The following CDYL2 variants were observed in gnomAD, a reference collection of about 807,000 sequenced individuals.
CDYL2 encodes the protein chromodomain Y like 2.
In CDYL2, 23 loss-of-function variants were observed where a neutral mutation model predicts 49.4. That is an observed-to-expected ratio of 0.47 (90% CI 0.34 to 0.66). The LOEUF (loss-of-function observed/expected upper bound fraction) is 0.66. Ranked by LOEUF, CDYL2 falls within the 30% of genes least tolerant of loss-of-function variation. The probability of loss-of-function intolerance (pLI) is 0.01; values close to 1 mark genes in which losing one functional copy is unlikely to be tolerated. For synonymous variants in CDYL2, 360 were observed against 268.8 expected, an observed-to-expected ratio of 1.34 and a Z score of -3.32; for missense variants, 678 against 656.4, an observed-to-expected ratio of 1.03 and a Z score of -0.36.
At chr16:80,687,054 G>A (rs1206192198) in intron 1 of CDYL2, among the ~76,000 whole-genome samples, 28 of 152,174 alleles carry the variant, frequency 1.8e-4, no homozygotes, top group Admixed American at 1.7e-3. Flanking sequence ...GCTTCAGAAC[G>A]CCAAGGATTT....
intron 1 of CDYL2, among the ~76,000 whole-genome samples, chr16:80,756,462 T>G (rs571464799): frequency 6.6e-6 from 1 of 152,188 alleles, no homozygotes; most frequent in South Asian, 2.1e-4. Context: ...GAACAATAAA[T>G]TTGAAAATCC....
chr16:80,702,706 T>C (rs551028674), intron 1 of CDYL2, among the ~76,000 whole-genome samples: 1 of 152,184 alleles, frequency 6.6e-6, no homozygotes, highest in Non-Finnish European at 1.5e-5. Flanking sequence ...GCTATGATCG[T>C]ACCACTGCAT....
intron 3 of CDYL2, among the ~76,000 whole-genome samples, chr16:80,627,186 T>C (rs1907342915): frequency 6.6e-6 from 1 of 151,968 alleles, no homozygotes; most frequent in African/African-American, 2.4e-5. Flanking sequence ...ATTTTGAACA[T>C]CAAAAAAGCT....
At chr16:80,716,771 G>A (rs759034923) in intron 1 of CDYL2, among the ~76,000 whole-genome samples, 5 of 151,934 alleles carry the variant, frequency 3.3e-5, no homozygotes, top group East Asian at 1.9e-4. Context: ...ATGACTGGAT[G>A]ACCAGATGAC....
intron 2 of CDYL2, among the ~76,000 whole-genome samples, chr16:80,646,824 C>CA (rs1189098957): frequency 6.7e-6 from 1 of 148,964 alleles, no homozygotes; most frequent in Non-Finnish European, 1.5e-5. Context: ...ACAAAACAAA[C>CA]AAAAAAACAA....
In CDYL2 at chr16:80,602,166, GC is replaced by G. The variant is rs1906117855; in HGVS notation, c.*2221del. 6.6e-6 allele frequency: 1 copy of G among 152,224 alleles called. No homozygotes were observed. The highest frequency in any genetic ancestry group is 1.5e-5 in the Non-Finnish European group (1 of 68,044). The allele number at this position is 152,224 out of a possible 1,614,324, so 9.4% of individuals were successfully genotyped here. ...CAGGGTCATCTAAGGGTTTTGGAAA[GC>G]TCACATTTGCTTTCTCAAAGGAGGA... On this transcript the variant is annotated 3_prime_UTR_variant, in exon 7 of 7. Transcript: ENST00000570137.
At chr16:80,782,261 G>A (rs1033501636) in intron 1 of CDYL2, among the ~76,000 whole-genome samples, 3 of 151,668 alleles carry the variant, frequency 2.0e-5, no homozygotes, top group African/African-American at 7.3e-5. Context: ...TACATGAAAT[G>A]GGAAACACAA....
At chr16:80,679,538 A>G (rs1350938607) in intron 2 of CDYL2, among the ~76,000 whole-genome samples, 1 of 152,200 alleles carries the variant, frequency 6.6e-6, no homozygotes, top group Non-Finnish European at 1.5e-5. Context: ...AATGGGTAGA[A>G]AAACTACCTC....
intron 2 of CDYL2, among the ~76,000 whole-genome samples, chr16:80,644,761 A>T (rs141033090): frequency 0.022 from 3,314 of 152,302 alleles, 54 homozygotes; most frequent in Non-Finnish European, 0.032. Context: ...ATAGTAACCA[A>T]AACAGCATGG....
intron 2 of CDYL2, among the ~76,000 whole-genome samples, chr16:80,646,892 GAAA>G (rs58154796): frequency 7.0e-6 from 1 of 143,658 alleles, no homozygotes; most frequent in Non-Finnish European, 1.5e-5. Context: ...CAAATAGACT[GAAA>G]AAAAAAAAGG....
chr16:80,612,553 T>A lies in CDYL2; in HGVS notation c.1218+73A>T, dbSNP rs912554343. On this transcript the variant is annotated intron_variant, in intron 5 of 6. Coordinates refer to ENST00000570137, the MANE Select transcript of CDYL2 (RefSeq NM_152342.4). The surrounding 1 kb of genome is among the most constrained non-coding windows in gnomAD (Gnocchi z 5.0). The stretch of plus-strand genomic sequence containing the variant: ...CAACACCCTCAGGTTTCTAGCCCCA[T>A]GAAGAGCCCCTAAACCCAAGGCAGA... The A allele has an allele frequency of 1.7e-5, 24 of 1,441,638 alleles. No individual in the cohort carries two copies. The highest frequency in any genetic ancestry group is 2.3e-5 in the Non-Finnish European group (24 of 1,066,304). 89.3% of individuals were successfully genotyped at this position (1,441,638 alleles called of 1,614,324 possible). A position where few individuals can be genotyped will look rare whatever the true frequency, so the allele number is the denominator to read the frequency against.
rs574472109 is a variant in CDYL2, at chr16:80,796,515, C to T, written c.24+7635G>A. ...AATGAACAAAATTTTTGTATGACTC[C>T]ATTACGTATGTTCTACTTTTTTCTC... On this transcript the variant is annotated intron_variant, in intron 1 of 6. Transcript: ENST00000570137. Among the ~76,000 whole-genome samples, 6 of 152,268 alleles carry T rather than the reference C, an allele frequency of 3.9e-5. No homozygotes were observed. In the East Asian group the frequency reaches 1.2e-3, roughly 29 times the overall value.
intron 2 of CDYL2, among the ~76,000 whole-genome samples, chr16:80,676,865 C>G (rs1365172995): frequency 2.6e-5 from 4 of 151,238 alleles, no homozygotes; most frequent in Admixed American, 2.6e-4. Flanking sequence ...GTCAGATGAT[C>G]TATTCTAGAA....
chr16:80,752,988 C>T (rs978516768), intron 1 of CDYL2, among the ~76,000 whole-genome samples: 1 of 152,140 alleles, frequency 6.6e-6, no homozygotes, highest in African/African-American at 2.4e-5. Context: ...TTTAAATGAA[C>T]ATTTGTTGTG....
At chr16:80,704,496 T>C (rs73595112) in intron 1 of CDYL2, among the ~76,000 whole-genome samples, 133 of 152,346 alleles carry the variant, frequency 8.7e-4, no homozygotes, top group African/African-American at 3.0e-3. Flanking sequence ...CAGCTTCTAA[T>C]ACATAAAGTC....
At chr16:80,675,758 A>G (rs906132420) in intron 2 of CDYL2, among the ~76,000 whole-genome samples, 8 of 151,710 alleles carry the variant, frequency 5.3e-5, no homozygotes, top group Non-Finnish European at 1.0e-4. Flanking sequence ...TAGGAGGTGA[A>G]GTTTTATTAT....
At chr16:80,710,777 T>G (rs768087483) in intron 1 of CDYL2, among the ~76,000 whole-genome samples, 1 of 152,160 alleles carries the variant, frequency 6.6e-6, no homozygotes, top group Non-Finnish European at 1.5e-5. Context: ...AGAACTGTGT[T>G]TAAATTTTTT....
chr16:80,763,206 G>A (rs1052077784), intron 1 of CDYL2, among the ~76,000 whole-genome samples: 1 of 6,666 alleles, frequency 1.5e-4, no homozygotes. Flanking sequence ...TCCGGTGTTC[G>A]AGGGCAACTT....
chr16:80,759,533 A>C lies in CDYL2; in HGVS notation c.24+44617T>G, dbSNP rs146562652. ...ATCTCATTTTAAAACAACAGGCTGA[A>C]TCAGTGGGCAGGAAAAGTTTTGTGA... is the stretch of plus-strand genomic sequence containing the variant. On this transcript the variant is annotated intron_variant, in intron 1 of 6. Transcript: ENST00000570137. Among the ~76,000 whole-genome samples the C allele has an allele frequency of 5.7e-3, 870 of 152,256 alleles. 14 individuals are homozygous for C. Among genetic ancestry groups the C allele is most frequent in the African/African-American group, 0.019 (806 of 41,538 alleles).
Sources: allele counts gnomAD v4.1 joint callset (sites outside exome capture counted in the v4.1 genomes callset), GRCh38; gene constraint gnomAD v4.1.1; non-coding constraint Gnocchi (gnomAD v3.1); transcripts MANE v1.5; gene names NCBI Gene and HGNC (gene_info 2026-07-23, HGNC 2026-07-21).